The following MACF1 variants were observed in gnomAD, a reference collection of about 807,000 sequenced individuals.
MACF1 encodes the protein microtubule actin crosslinking factor 1.
A neutral mutation model predicts 854.8 loss-of-function variants in MACF1; 193 were observed. That is an observed-to-expected ratio of 0.23 (90% CI 0.20 to 0.25). MACF1 has a LOEUF of 0.25. Ranked by LOEUF, MACF1 falls within the 10% of genes least tolerant of loss-of-function variation. The pLI is 1.00. For synonymous variants in MACF1, 3,185 were observed against 3,226.7 expected, an observed-to-expected ratio of 0.99 and a Z score of 0.44; for missense variants, 7,722 against 8,929.1, an observed-to-expected ratio of 0.86 and a Z score of 5.45.
intron 93 of MACF1, 137 bp downstream of exon 93, chr1:39,462,174 C>A: frequency 3.6e-6 from 3 of 841,022 alleles, no homozygotes; most frequent in Non-Finnish European, 5.5e-6. Flanking sequence ...ATTTTGAGAT[C>A]TCTTTTTGGA....
At chr1:39,399,049 A>G (rs1642376154) in intron 58 of MACF1, among the ~76,000 whole-genome samples, 1 of 152,248 alleles carries the variant, frequency 6.6e-6, no homozygotes, top group South Asian at 2.1e-4. Flanking sequence ...GGAAAAAAAC[A>G]GACATAAATT....
intron 56 of MACF1, among the ~76,000 whole-genome samples, chr1:39,382,430 C>T (rs959873071): frequency 5.9e-5 from 9 of 151,646 alleles, no homozygotes; most frequent in African/African-American, 1.2e-4. Context: ...TTTGGCTGGG[C>T]GTGGTGGCTC....
At position 39,361,492 on chromosome 1, in the gene MACF1, C is replaced by T. The variant is rs374316302; in HGVS notation, c.12586C>T (p.Arg4196Trp). Residue 4196 changes from arginine to tryptophan, a missense_variant, in exon 49 of 101, where the codon CGG becomes TGG. By Grantham distance (101) the Arg-to-Trp change is moderately radical (BLOSUM62 -3). Transcript: ENST00000564288. ...LQGKLAEVSQRFEQLCLQQQE... is the reference protein window; with the variant it reads ...LQGKLAEVSQWFEQLCLQQQE... ...GGGCAAACTGGCAGAGGTGAGCCAG[C>T]GGTTCGAACAGCTCTGTCTACAGCA... 8.7e-6 allele frequency: 14 copies of T among 1,614,054 alleles called. No homozygotes were observed. Among genetic ancestry groups the T allele is most frequent in the Admixed American group, 3.3e-5 (2 of 60,002 alleles).
At chr1:39,481,684 C>A (rs150781427) in intron 99 of MACF1, among the ~76,000 whole-genome samples, 4 of 152,318 alleles carry the variant, frequency 2.6e-5, no homozygotes, top group Admixed American at 6.5e-5. Flanking sequence ...AGTGCCTGAA[C>A]GCTTTTGGAA....
chr1:39,421,881 T>C (rs1163125813), intron 58 of MACF1, among the ~76,000 whole-genome samples: 1 of 152,164 alleles, frequency 6.6e-6, no homozygotes, highest in Non-Finnish European at 1.5e-5. Flanking sequence ...GAGACCATCC[T>C]GGCTAACACG....
chr1:39,422,269 C>G (rs1465733721), intron 58 of MACF1, 105 bp from the exon 59 acceptor site: 1 of 808,540 alleles, frequency 1.2e-6, no homozygotes, highest in Non-Finnish European at 1.9e-6. Flanking sequence ...TATTCCTGGT[C>G]GTCTTTCATT....
Position 39,481,020 on chromosome 1 carries a change from C to G in MACF1, c.22271C>G (p.Pro7424Arg). 1 of 1,549,502 alleles carries G rather than the reference C, an allele frequency of 6.5e-7. No homozygotes were observed. The highest frequency in any genetic ancestry group is 1.2e-5 in the South Asian group (1 of 84,028). The change falls in exon 99 of 101, where the codon CCC (proline) becomes CGC (arginine). Residue 7424 changes from proline (P) to arginine (R), a missense_variant. Pro to Arg is a moderately radical substitution (Grantham distance 103). This residue lies in a region of MACF1 where 185 missense variants were observed against 225.7 expected (regional missense o/e 0.82). Coordinates refer to ENST00000564288, the MANE Select transcript of MACF1 (RefSeq NM_001394062.1). ...AGCCATTCTCCTGACCTCCAGCTGC[C>G]CACCCCCGAGGTAGAGTATGGCTTT... ...RDSHSPDLQLPTPEVIPSSGS... is the reference protein window; with the variant it reads ...RDSHSPDLQLRTPEVIPSSGS...
rs775388443 is a variant in MACF1, at chr1:39,292,753, C to T, written c.1915-13C>T. 1 of 1,586,628 alleles carries T rather than the reference C, an allele frequency of 6.3e-7. No individual in the cohort carries two copies. Among genetic ancestry groups the T allele is most frequent in the Admixed American group, 1.7e-5 (1 of 58,244 alleles). ...TTCTCTAATGTATTTTTATTTCATT[C>T]TTTTTTAATCAGGGAAAGATGTCCC... On this transcript the variant is annotated splice_polypyrimidine_tract_variant and intron_variant, in intron 16 of 100. Coordinates refer to ENST00000564288, the MANE Select transcript of MACF1 (RefSeq NM_001394062.1).
chr1:39,337,621 A>G (rs1323895168), intron 38 of MACF1, among the ~76,000 whole-genome samples: 1 of 128,080 alleles, frequency 7.8e-6, no homozygotes, highest in Non-Finnish European at 1.6e-5. Context: ...GGTGGAGTGC[A>G]GTAGCGGTGA....
intron 99 of MACF1, among the ~76,000 whole-genome samples, chr1:39,483,607 G>C (rs148814918): frequency 6.6e-6 from 1 of 152,152 alleles, no homozygotes; most frequent in South Asian, 2.1e-4. Context: ...AAGTCAAAGA[G>C]GCAGGATTTA....
intron 95 of MACF1, among the ~76,000 whole-genome samples, chr1:39,466,606 A>G (rs533152595): frequency 1.3e-5 from 2 of 152,264 alleles, no homozygotes; most frequent in Admixed American, 1.3e-4. Flanking sequence ...CTCAGGTCCA[A>G]GAGCACTGCT....
chr1:39,201,162 T>C (rs974533243), upstream of MACF1, among the ~76,000 whole-genome samples: 6 of 152,210 alleles, frequency 3.9e-5, no homozygotes, highest in Admixed American at 1.3e-4. Context: ...ACAACCAATC[T>C]ATAAGCAAAT....
intron 2 of MACF1, among the ~76,000 whole-genome samples, chr1:39,158,461 T>C (rs1571113906): frequency 6.6e-6 from 1 of 152,366 alleles, no homozygotes; most frequent in East Asian, 1.9e-4. Flanking sequence ...GTAAAACTTG[T>C]CTCATTGCCA....
intron 97 of MACF1, among the ~76,000 whole-genome samples, chr1:39,477,071 A>AGTG (rs1469765880): frequency 7.7e-4 from 13 of 16,820 alleles, no homozygotes; most frequent in Admixed American, 7.5e-3. Context: ...ATATATATAT[A>AGTG]TATATATATA....
At chr1:39,203,655 G>A (rs1644417564), upstream of MACF1, among the ~76,000 whole-genome samples, 3 of 152,110 alleles carry the variant, frequency 2.0e-5, no homozygotes, top group Admixed American at 2.0e-4. Context: ...TAGTTGTATA[G>A]TTTTGCTTTT....
chr1:39,254,659 A>C, intron 5 of MACF1: 1 of 351,506 alleles, frequency 2.8e-6, no homozygotes, highest in Non-Finnish European at 5.2e-6. Context: ...GTCAAAATGA[A>C]GATGAAAAAT....
chr1:39,247,856 TA>T (rs889521479), intron 2 of MACF1, among the ~76,000 whole-genome samples: 4 of 152,090 alleles, frequency 2.6e-5, no homozygotes, highest in African/African-American at 7.2e-5. Context: ...ACCCCGTCTC[TA>T]CTAAAAATAC....
chr1:39,362,541 TA>T (rs1411044045), intron 49 of MACF1, among the ~76,000 whole-genome samples: 2 of 152,220 alleles, frequency 1.3e-5, no homozygotes, highest in African/African-American at 4.8e-5. Context: ...TTATTACCAT[TA>T]TTCTTTATGA....
In MACF1 at chr1:39,381,973, A is replaced by T. The variant is rs1231289253; in HGVS notation, c.13669A>T (p.Thr4557Ser). 2 of 1,614,018 alleles carry T rather than the reference A, an allele frequency of 1.2e-6. No individual in the cohort carries two copies. The highest frequency in any genetic ancestry group is 1.7e-6 in the Non-Finnish European group (2 of 1,179,968). ...TACAGATTCCCGATGGGAAAGGGCC[A>T]CTGAGGTTACTGTGGCTCGGCAAAG... ...EELNSRWERATEVTVARQRQL... is the reference protein window; with the variant it reads ...EELNSRWERASEVTVARQRQL... Residue 4557 changes from threonine to serine, a missense_variant, in exon 56 of 101, where the codon ACT (threonine) becomes TCT (serine). Physicochemically the swap from Thr to Ser is moderately conservative, Grantham distance 58. Around this residue, in one of 15 missense-constraint regions of MACF1, gnomAD observed 2,807 missense variants for 3,235.8 expected, o/e 0.87. Transcript: ENST00000564288.
Sources: allele counts gnomAD v4.1 joint callset (sites outside exome capture counted in the v4.1 genomes callset), GRCh38; gene constraint gnomAD v4.1.1; regional missense constraint gnomAD v4.1.1; transcripts MANE v1.5; gene names NCBI Gene and HGNC (gene_info 2026-07-23, HGNC 2026-07-21).